TCHP: variants seen among roughly 807,000 people sequenced by gnomAD.
TCHP encodes trichoplein keratin filament binding.
TCHP carries 81 observed loss-of-function variants against 88.7 expected under a neutral mutation model. The ratio of observed to expected loss-of-function variants is 0.91; its 90% CI spans 0.76 to 1.10. TCHP has a LOEUF of 1.10. Ranked by LOEUF, TCHP falls within the 50% of genes least tolerant of loss-of-function variation. The pLI, the probability that TCHP is intolerant of heterozygous loss-of-function variation, is 0.00. For missense variants in TCHP, 641 were observed against 632.1 expected, an observed-to-expected ratio of 1.01 and a Z score of -0.15; for synonymous variants, 232 against 232.5, an observed-to-expected ratio of 1.00 and a Z score of 0.02.
intron 1 of TCHP, among the ~76,000 whole-genome samples, chr12:109,902,662 A>G (rs1869870811): frequency 6.6e-6 from 1 of 152,044 alleles, no homozygotes; most frequent in South Asian, 2.1e-4. Flanking sequence ...TTTAGTGGAG[A>G]CAGGGGTTTC....
the TCHP span, among the ~76,000 whole-genome samples, chr12:109,889,727 T>C: frequency 2.0e-5 from 3 of 152,214 alleles, no homozygotes; most frequent in East Asian, 5.8e-4. Flanking sequence ...CAGCCCTCGA[T>C]GAATGGTGTG....
Position 109,916,610 on chromosome 12 carries a change from T to C in TCHP, c.1484T>C (p.Ile495Thr). ...TCTCAGCCTTACGGACATCCAAAAA[T>C]TGCTTGGAACTGACTTCATGGGTAC... ...YRPKPYGHPK[I>T]AWN The change falls in exon 13 of 13, where the codon ATT becomes ACT. Residue 495 changes from isoleucine (I) to threonine (T), a missense_variant. Transcript: ENST00000405876. 2 of 1,613,662 alleles carry C rather than the reference T, an allele frequency of 1.2e-6. No homozygotes were observed. Among genetic ancestry groups the C allele is most frequent in the Admixed American group, 1.7e-5 (1 of 59,954 alleles).
At chr12:109,886,170 C>A in the TCHP span, among the ~76,000 whole-genome samples, 1 of 152,132 alleles carries the variant, frequency 6.6e-6, no homozygotes, top group Admixed American at 6.6e-5. Context: ...CAGAGTCTTG[C>A]TCTGTCGCCC....
chr12:109,885,478 GTTTTTTT>G, the TCHP span, among the ~76,000 whole-genome samples: 2 of 118,170 alleles, frequency 1.7e-5, no homozygotes, highest in Non-Finnish European at 1.7e-5. Context: ...AAATCTGATG[GTTTTTTT>G]TTTTTTTTTT....
At chr12:109,889,162 C>T in the TCHP span, among the ~76,000 whole-genome samples, 1 of 152,054 alleles carries the variant, frequency 6.6e-6, no homozygotes, top group African/African-American at 2.4e-5. Context: ...GACCTCATCT[C>T]TACAAAATTA....
upstream of TCHP, among the ~76,000 whole-genome samples, chr12:109,898,353 G>T (rs2136061876): frequency 6.6e-6 from 1 of 152,222 alleles, no homozygotes; most frequent in Non-Finnish European, 1.5e-5. Flanking sequence ...GGGACTACAG[G>T]TGCCTGCCAC....
chr12:109,899,781 T>G (rs1869673776), upstream of TCHP, among the ~76,000 whole-genome samples: 1 of 152,230 alleles, frequency 6.6e-6, no homozygotes, highest in East Asian at 1.9e-4. Flanking sequence ...GCATCTGGAT[T>G]TTTTAAAGGT....
chr12:109,905,089 A>G lies in TCHP; in HGVS notation c.456+296A>G. The G allele has an allele frequency of 7.2e-6, 3 of 415,050 alleles. No homozygotes were observed. The highest frequency in any genetic ancestry group is 2.6e-5 in the South Asian group (1 of 38,828). The allele number at this position is 415,050 out of a possible 1,614,324, so 25.7% of individuals were successfully genotyped here. A position where few individuals can be genotyped will look rare whatever the true frequency, so the allele number is the denominator to read the frequency against. On this transcript the variant is annotated intron_variant, in intron 4 of 12. Transcript: ENST00000405876. This position sits in a 1 kb window ranked among gnomAD's most constrained non-coding sequence, Gnocchi z 4.0. ...GCATGGGAGCTCATTACAGGGCAGG[A>G]TGCAGGGTGCTGGGCCAGCCTGAGA...
chr12:109,889,334 G>A, the TCHP span, among the ~76,000 whole-genome samples: 32 of 152,200 alleles, frequency 2.1e-4, no homozygotes, highest in Middle Eastern at 3.4e-3. Context: ...TTAGTCGGGC[G>A]TGGTGGCGGG....
intron 5 of TCHP, among the ~76,000 whole-genome samples, chr12:109,906,890 C>G (rs528619521): frequency 5.9e-5 from 9 of 152,162 alleles, no homozygotes; most frequent in African/African-American, 2.2e-4. Context: ...CAGCACGCGT[C>G]TTCTTTTTTT....
intron 8 of TCHP, among the ~76,000 whole-genome samples, chr12:109,909,629 G>T (rs1870369662): frequency 6.6e-6 from 1 of 152,196 alleles, no homozygotes; most frequent in African/African-American, 2.4e-5. Context: ...AGGCCAGCCT[G>T]AATGACATGG....
intron 1 of TCHP, among the ~76,000 whole-genome samples, chr12:109,901,436 A>T (rs1283894383): frequency 1.3e-5 from 2 of 150,132 alleles, no homozygotes; most frequent in Admixed American, 1.3e-4. Context: ...TGGTTCCCTC[A>T]TTTACAAGAC....
rs748889328 is a variant in TCHP, at chr12:109,904,209, G to A, written c.399+62G>A. 184 of 1,453,172 alleles carry A rather than the reference G, an allele frequency of 1.3e-4. 1 individual carries two copies. Among genetic ancestry groups the A allele is most frequent in the African/African-American group, 2.1e-4 (15 of 70,686 alleles). 90.0% of individuals were successfully genotyped at this position (1,453,172 alleles called of 1,614,324 possible). A position where few individuals can be genotyped will look rare whatever the true frequency, so the allele number is the denominator to read the frequency against. ...GGAGTGTTCCCAGCCTGAGTGTGTC[G>A]CACATGTAGGGTCATTCCTGGGTGC... On this transcript the variant is annotated intron_variant, in intron 3 of 12. Transcript: ENST00000405876.
At chr12:109,898,367 G>A (rs184460047), upstream of TCHP, among the ~76,000 whole-genome samples, 1,056 of 152,126 alleles carry the variant, frequency 6.9e-3, 1 homozygote, top group Non-Finnish European at 9.6e-3. Context: ...CTGCCACCAC[G>A]CCCAGCTAAT....
upstream of TCHP, among the ~76,000 whole-genome samples, chr12:109,898,583 C>G (rs1869628189): frequency 6.6e-6 from 1 of 151,842 alleles, no homozygotes; most frequent in South Asian, 2.1e-4. Flanking sequence ...GTGACCTGCC[C>G]AAGACTACAC....
chr12:109,915,796 A>C (rs987110620), intron 12 of TCHP, among the ~76,000 whole-genome samples: 10 of 152,174 alleles, frequency 6.6e-5, no homozygotes, highest in African/African-American at 2.4e-4. Flanking sequence ...ACTAAGCTGC[A>C]TGCCTGTCCA....
chr12:109,906,525 CCATCTGTCTGGTGAGGAAATTCA>C (rs1203179348), intron 4 of TCHP, 24 bp from the exon 5 acceptor site: 2 of 1,586,382 alleles, frequency 1.3e-6, no homozygotes, highest in Non-Finnish European at 1.7e-6. Context: ...CCCACAGTGC[CCATCTGTCTGGTGAGGAAATTCA>C]CATCGTCCCC....
intron 10 of TCHP, among the ~76,000 whole-genome samples, chr12:109,913,664 G>A (rs1039782539): frequency 5.9e-5 from 9 of 152,188 alleles, no homozygotes; most frequent in Admixed American, 2.0e-4. Flanking sequence ...TACCCCAACC[G>A]CAGAGAAATC....
chr12:109,912,888 T>G (rs1870584370), intron 9 of TCHP, 103 bp from the exon 10 acceptor site: 2 of 831,396 alleles, frequency 2.4e-6, no homozygotes, highest in African/African-American at 3.3e-5. Flanking sequence ...ATCTGCAGTG[T>G]GGTCCTGCAG....
Sources: allele counts gnomAD v4.1 joint callset (sites outside exome capture counted in the v4.1 genomes callset), GRCh38; gene constraint gnomAD v4.1.1; non-coding constraint Gnocchi (gnomAD v3.1); transcripts MANE v1.5; gene names NCBI Gene and HGNC (gene_info 2026-07-23, HGNC 2026-07-21).